Variants in CHRNA7 observed in about 807,000 individuals in gnomAD.
CHRNA7 encodes the protein neuronal acetylcholine receptor subunit alpha-7.
Under a neutral mutation model 48.0 loss-of-function variants are expected in CHRNA7, and 17 were observed. That is an observed-to-expected ratio of 0.35 (90% CI 0.24 to 0.53). CHRNA7 has a LOEUF of 0.53. Ranked by LOEUF, CHRNA7 falls within the 20% of genes least tolerant of loss-of-function variation. The probability of loss-of-function intolerance (pLI) is 0.92; values close to 1 mark genes in which losing one functional copy is unlikely to be tolerated. For synonymous variants in CHRNA7, 75 were observed against 242.3 expected (o/e 0.31, Z 6.41); for missense variants, 155 against 577.7 (o/e 0.27, Z 7.50).
rs149981636 is a variant in CHRNA7 at position 32,122,482 on chromosome 15, T to A, written c.350+10583T>A. Among the ~76,000 whole-genome samples, 690 of 152,334 alleles carry A rather than the reference T, an allele frequency of 4.5e-3. 2 individuals carry two copies. Among genetic ancestry groups the A allele is most frequent in the African/African-American group, 0.012 (516 of 41,586 alleles). On this transcript the variant is annotated intron_variant, in intron 4 of 9. Coordinates refer to ENST00000306901, the MANE Select transcript of CHRNA7 (RefSeq NM_000746.6). ...TTTCACATTATTTGTGGTCTTTTTT[T>A]AATATAAATTTTACATCCTTAGCTA... is the stretch of plus-strand genomic sequence containing the variant.
intron 4 of CHRNA7, among the ~76,000 whole-genome samples, chr15:32,114,362 A>T (rs2050831596): frequency 6.6e-6 from 1 of 152,050 alleles, no homozygotes; most frequent in Non-Finnish European, 1.5e-5. Context: ...CTACCTGACA[A>T]ATGTTACCAG....
chr15:32,072,776 T>G (rs2050078453), intron 2 of CHRNA7, among the ~76,000 whole-genome samples: 1 of 152,216 alleles, frequency 6.6e-6, no homozygotes, highest in Non-Finnish European at 1.5e-5. Context: ...TAAGCTTTGG[T>G]GGTACCATGT....
chr15:32,054,771 T>C (rs2049756019), intron 2 of CHRNA7, among the ~76,000 whole-genome samples: 1 of 152,252 alleles, frequency 6.6e-6, no homozygotes, highest in South Asian at 2.1e-4. Context: ...ATTGTATGAA[T>C]ATAACAACAT....
intron 2 of CHRNA7, among the ~76,000 whole-genome samples, chr15:32,054,471 TAGA>T (rs2049750056): frequency 1.3e-5 from 2 of 152,196 alleles, no homozygotes; most frequent in Non-Finnish European, 2.9e-5. Flanking sequence ...TAAATTGTAG[TAGA>T]GTAGATATAC....
chr15:32,045,345 C>G (rs1198747702), intron 2 of CHRNA7, among the ~76,000 whole-genome samples: 1 of 152,102 alleles, frequency 6.6e-6, no homozygotes, highest in African/African-American at 2.4e-5. Context: ...CACTTTTACT[C>G]CTGTTAATAT....
chr15:32,108,578 G>A (rs2050710188), intron 3 of CHRNA7, among the ~76,000 whole-genome samples: 2 of 152,160 alleles, frequency 1.3e-5, no homozygotes, highest in South Asian at 4.1e-4. Context: ...GAGCCTGTGG[G>A]GGTTGCTGGT....
chr15:32,071,375 T>C (rs982270290), intron 2 of CHRNA7, among the ~76,000 whole-genome samples: 2 of 152,220 alleles, frequency 1.3e-5, no homozygotes, highest in Non-Finnish European at 2.9e-5. Context: ...TGTTAGCATA[T>C]TTATTATATT....
chr15:32,109,591 G>A (rs1381204266), intron 3 of CHRNA7, among the ~76,000 whole-genome samples: 4 of 152,182 alleles, frequency 2.6e-5, no homozygotes, highest in Non-Finnish European at 5.9e-5. Flanking sequence ...GCATCAGGGA[G>A]ATTGAGCCAG....
At chr15:32,055,230 C>G (rs180714833) in intron 2 of CHRNA7, among the ~76,000 whole-genome samples, 1 of 144,302 alleles carries the variant, frequency 6.9e-6, no homozygotes, top group East Asian at 2.0e-4. Flanking sequence ...TTCTCTCTCT[C>G]TTTTTTTTTT....
At chr15:32,120,822 T>G (rs1461009401) in intron 4 of CHRNA7, among the ~76,000 whole-genome samples, 1 of 151,964 alleles carries the variant, frequency 6.6e-6, no homozygotes, top group Non-Finnish European at 1.5e-5. Flanking sequence ...TTGATCTTTG[T>G]GATGTGGAAC....
At chr15:32,031,582 T>C (rs1293208232) in intron 2 of CHRNA7, among the ~76,000 whole-genome samples, 1 of 152,226 alleles carries the variant, frequency 6.6e-6, no homozygotes, top group African/African-American at 2.4e-5. Context: ...ATGCTTTGCC[T>C]TCCTGGTGAG....
intron 4 of CHRNA7, among the ~76,000 whole-genome samples, chr15:32,125,345 A>G (rs1476537250): frequency 6.6e-6 from 1 of 152,152 alleles, no homozygotes; most frequent in Non-Finnish European, 1.5e-5. Context: ...ATAAAAATTC[A>G]CCAAAGCACC....
chr15:32,063,633 A>AT (rs567531305), intron 2 of CHRNA7, among the ~76,000 whole-genome samples: 28 of 152,068 alleles, frequency 1.8e-4, no homozygotes, highest in Non-Finnish European at 3.2e-4. Context: ...ATTGAGCTAA[A>AT]TTTTCAGCAT....
At chr15:32,114,057 TATACATATATATATATATAC>T (rs2050818297) in intron 4 of CHRNA7, among the ~76,000 whole-genome samples, 1 of 34,148 alleles carries the variant, frequency 2.9e-5, no homozygotes, top group South Asian at 1.9e-3. Context: ...TATATATATA[TATACATATATATATATATAC>T]ACATACATAC....
chr15:32,039,088 C>T (rs745623356), intron 2 of CHRNA7, among the ~76,000 whole-genome samples: 1 of 152,080 alleles, frequency 6.6e-6, no homozygotes, highest in Non-Finnish European at 1.5e-5. Context: ...CCTTTTAATG[C>T]CCATGGGCTG....
chr15:32,134,404 C>A (rs1310803704), intron 4 of CHRNA7, among the ~76,000 whole-genome samples: 1 of 152,174 alleles, frequency 6.6e-6, no homozygotes, highest in Non-Finnish European at 1.5e-5. Context: ...GGTGATCCGC[C>A]CTCCTCGGCC....
At chr15:32,075,482 G>A (rs915209620) in intron 2 of CHRNA7, among the ~76,000 whole-genome samples, 19 of 152,084 alleles carry the variant, frequency 1.2e-4, no homozygotes, top group Admixed American at 8.5e-4. Flanking sequence ...CAATTTATGA[G>A]TGTAAAATTC....
At chr15:32,091,946 C>T (rs978648419) in intron 2 of CHRNA7, among the ~76,000 whole-genome samples, 4 of 99,568 alleles carry the variant, frequency 4.0e-5, no homozygotes, top group Admixed American at 3.7e-4. Flanking sequence ...ATAGTATTAA[C>T]ATTATAGAGT....
At chr15:32,108,856 A>G (rs1325405006) in intron 3 of CHRNA7, among the ~76,000 whole-genome samples, 1 of 152,164 alleles carries the variant, frequency 6.6e-6, no homozygotes, top group Admixed American at 6.5e-5. Context: ...GGCAGGGTAC[A>G]TGTAAGGAAA....
Sources: allele counts gnomAD v4.1 joint callset (sites outside exome capture counted in the v4.1 genomes callset), GRCh38; gene constraint gnomAD v4.1.1; transcripts MANE v1.5; gene names NCBI Gene and HGNC (gene_info 2026-07-23, HGNC 2026-07-21).